TBCEL: variants seen among roughly 807,000 people sequenced by gnomAD.
TBCEL encodes the protein tubulin folding cofactor E like.
Under a neutral mutation model 44.2 loss-of-function variants are expected in TBCEL, and 15 were observed. The observed-to-expected ratio is 0.34, with a 90% confidence interval of 0.23 to 0.52. The LOEUF is 0.52. Among genes scored for constraint, TBCEL ranks in the 20% least tolerant of loss-of-function variants. TBCEL has a pLI of 0.95. For synonymous variants in TBCEL, 171 were observed against 185.4 expected, an observed-to-expected ratio of 0.92 and a Z score of 0.63; for missense variants, 319 against 506.3, an observed-to-expected ratio of 0.63 and a Z score of 3.55.
intron 8 of TBCEL, among the ~76,000 whole-genome samples, chr11:121,073,901 A>T (rs970860590): frequency 6.6e-6 from 1 of 151,940 alleles, no homozygotes; most frequent in Non-Finnish European, 1.5e-5. Context: ...GGTATATTCA[A>T]CTTGGTTGGG....
rs115791475 is a variant in TBCEL at position 121,053,266 on chromosome 11, A to G, written c.274-285A>G. ...TCAAAGAGAACGTCACATAGAGCAG[A>G]ATCAGAAACCTTTCTAAAGGCGACA... On this transcript the variant is annotated intron_variant, in intron 4 of 8. Transcript: ENST00000683345. 2.8e-3 allele frequency among the ~76,000 whole-genome samples: 420 copies of G among 152,082 alleles called. 4 individuals carry two copies. Among genetic ancestry groups the G allele is most frequent in the African/African-American group, 9.3e-3 (388 of 41,556 alleles).
intron 6 of TBCEL, 23 bp from the exon 7 acceptor site, chr11:121,058,303 GTGCATCTCTGGATTTACTT>G (rs1565499505): frequency 2.5e-6 from 4 of 1,598,448 alleles, no homozygotes. Context: ...TCTTATTTAT[GTGCATCTCTGGATTTACTT>G]AAACAATATG....
chr11:121,058,269 C>A, intron 6 of TBCEL, 76 bp from the exon 7 acceptor site: 2 of 1,492,748 alleles, frequency 1.3e-6, no homozygotes, highest in South Asian at 1.2e-5. Flanking sequence ...ACTAATTGAG[C>A]TAATATTTTT....
chr11:121,074,177 T>C (rs1180518511), intron 8 of TBCEL, among the ~76,000 whole-genome samples: 2 of 151,988 alleles, frequency 1.3e-5, no homozygotes, highest in African/African-American at 4.8e-5. Context: ...TTATATTTAA[T>C]TTTCATTTGG....
intron 8 of TBCEL, among the ~76,000 whole-genome samples, chr11:121,065,608 A>G (rs1321624465): frequency 6.6e-6 from 1 of 152,212 alleles, no homozygotes. Context: ...AGATCATTTT[A>G]TTAACAGTAC....
intron 4 of TBCEL, among the ~76,000 whole-genome samples, chr11:121,052,717 A>C (rs1945550825): frequency 1.3e-5 from 2 of 151,844 alleles, no homozygotes; most frequent in African/African-American, 4.8e-5. Context: ...TGGAAAGAAA[A>C]ATGGCTCTGA....
intron 8 of TBCEL, among the ~76,000 whole-genome samples, chr11:121,061,690 T>A (rs2134965843): frequency 6.6e-6 from 1 of 152,166 alleles, no homozygotes; most frequent in East Asian, 1.9e-4. Context: ...AGTGACGACA[T>A]GGTATAAAAG....
rs568463325 is a variant in TBCEL, at chr11:121,025,468, G to A, written c.-126+1177G>A. The stretch of plus-strand genomic sequence containing the variant: ...TCTTACATTCAGATCTAGTACATAC[G>A]TAGGTATGAAGGGAAACTTTCACAA... On this transcript the variant is annotated intron_variant, in intron 1 of 8. Coordinates refer to ENST00000683345, the MANE Select transcript of TBCEL (RefSeq NM_001363644.2). Among the ~76,000 whole-genome samples the A allele has an allele frequency of 3.3e-5, 5 of 151,700 alleles. No individual in the cohort carries two copies. The East Asian group carries it at 9.7e-4, about 29-fold the overall frequency.
intron 8 of TBCEL, among the ~76,000 whole-genome samples, chr11:121,076,314 C>T (rs1946032097): frequency 6.6e-6 from 1 of 151,814 alleles, no homozygotes; most frequent in Non-Finnish European, 1.5e-5. Context: ...GTCCATGAAC[C>T]CAGTATCTCT....
At chr11:121,040,277 A>T (rs1455698701) in intron 2 of TBCEL, among the ~76,000 whole-genome samples, 1 of 152,160 alleles carries the variant, frequency 6.6e-6, no homozygotes, top group Non-Finnish European at 1.5e-5. Flanking sequence ...ATTTGGGTCA[A>T]ATTTGGGTAA....
chr11:121,059,968 G>C lies in TBCEL; in HGVS notation c.840-1G>C. The C allele has an allele frequency of 6.2e-7, 1 of 1,604,354 alleles. No individual in the cohort carries two copies. Among genetic ancestry groups the C allele is most frequent in the Non-Finnish European group, 8.5e-7 (1 of 1,173,552 alleles). On this transcript the variant is annotated splice_acceptor_variant, in intron 7 of 8. Transcript: ENST00000683345. LOFTEE classifies it high-confidence loss of function. ...GTCTTTATTTTGGTTTTAACTTATA[G>C]ATTGCCATCAGTTTCCAAACTTAAT...
chr11:121,060,705 A>G (rs187956587), intron 8 of TBCEL, among the ~76,000 whole-genome samples: 1 of 152,068 alleles, frequency 6.6e-6, no homozygotes, highest in Non-Finnish European at 1.5e-5. Context: ...TGATATAGGC[A>G]AACATTCAAG....
intron 3 of TBCEL, among the ~76,000 whole-genome samples, chr11:121,046,959 CAAGA>C (rs1322902659): frequency 1.3e-5 from 2 of 151,916 alleles, no homozygotes; most frequent in Non-Finnish European, 2.9e-5. Context: ...AATTGATAGA[CAAGA>C]GAGAGAGATG....
intron 8 of TBCEL, among the ~76,000 whole-genome samples, chr11:121,075,912 G>A (rs1946025074): frequency 6.6e-6 from 1 of 151,782 alleles, no homozygotes; most frequent in Non-Finnish European, 1.5e-5. Flanking sequence ...TTGGCGTATG[G>A]GTGCCAGTTA....
At chr11:121,059,627 G>A (rs1314507659) in intron 7 of TBCEL, among the ~76,000 whole-genome samples, 16 of 151,872 alleles carry the variant, frequency 1.1e-4, no homozygotes, top group Admixed American at 1.1e-3. Flanking sequence ...TTAATTTCAT[G>A]TGTTTAATTT....
chr11:121,063,974 T>A (rs1945771395), intron 8 of TBCEL, among the ~76,000 whole-genome samples: 1 of 152,202 alleles, frequency 6.6e-6, no homozygotes, highest in African/African-American at 2.4e-5. Flanking sequence ...TATTTCTCCT[T>A]GACAGTCAAG....
chr11:121,085,017 A>C (rs1307554113), intron 8 of TBCEL, among the ~76,000 whole-genome samples: 1 of 149,670 alleles, frequency 6.7e-6, no homozygotes, highest in Non-Finnish European at 1.5e-5. Context: ...ATAAATATGC[A>C]TATATATATA....
intron 7 of TBCEL, among the ~76,000 whole-genome samples, chr11:121,059,722 T>G (rs1484515193): frequency 6.6e-6 from 1 of 151,992 alleles, no homozygotes; most frequent in African/African-American, 2.4e-5. Flanking sequence ...CAGTGCTGCC[T>G]AGAATCTTGT....
rs1169356829 is a variant in TBCEL at position 121,053,603 on chromosome 11, C to G, written c.326C>G (p.Ser109Cys). The change falls in exon 5 of 9, where the codon TCC becomes TGC. Residue 109 changes from serine (S) to cysteine (C), a missense_variant. Transcript: ENST00000683345. ...CAGTTGGAGTTTCTAAACCTGAGTT[C>G]CAACCCTCTGAATTTGTCGGTTTTA... The part of the protein sequence containing the change: ...VPQLEFLNLS[S>C]NPLNLSVLER... The G allele has an allele frequency of 6.2e-7, 1 of 1,612,308 alleles. No individual in the cohort carries two copies. The highest frequency in any genetic ancestry group is 8.5e-7 in the Non-Finnish European group (1 of 1,178,912).
Sources: allele counts gnomAD v4.1 joint callset (sites outside exome capture counted in the v4.1 genomes callset), GRCh38; gene constraint gnomAD v4.1.1; transcripts MANE v1.5; gene names NCBI Gene and HGNC (gene_info 2026-07-23, HGNC 2026-07-21).